TMEM11: variants seen among roughly 807,000 people sequenced by gnomAD.
TMEM11 encodes the protein transmembrane protein 11, mitochondrial.
In TMEM11, 1 loss-of-function variant was observed where a neutral mutation model predicts 17.0. The ratio of observed to expected loss-of-function variants is 0.06; its 90% confidence interval spans 0.02 to 0.28. The LOEUF (loss-of-function observed/expected upper bound fraction) is 0.28, where lower values mean the gene tolerates loss of function less well. Among genes scored for constraint, TMEM11 ranks in the 10% least tolerant of loss-of-function variants. The pLI, the probability that TMEM11 is intolerant of heterozygous loss-of-function variation, is 1.00. For missense variants in TMEM11, 172 were observed against 252.9 expected (o/e 0.68, Z 2.17); for synonymous variants, 122 against 118.1 (o/e 1.03, Z -0.21).
chr17:21,213,352 A>G (rs958082931), intron 1 of TMEM11: 2 of 152,234 alleles, frequency 1.3e-5, no homozygotes, highest in Non-Finnish European at 2.9e-5. Context: ...CAACTTGAAC[A>G]TGAAACACGG....
At chr17:21,206,121 G>A (rs1597771921) in intron 1 of TMEM11, among the ~76,000 whole-genome samples, 1 of 151,960 alleles carries the variant, frequency 6.6e-6, no homozygotes, top group African/African-American at 2.4e-5. Flanking sequence ...TTTTTTTGAG[G>A]AATCTCTATA....
chr17:21,211,323 T>C, intron 1 of TMEM11: 2 of 910,956 alleles, frequency 2.2e-6, no homozygotes, highest in Non-Finnish European at 3.0e-6. Context: ...GCACTGTCCA[T>C]ATCATAACTT....
chr17:21,209,376 T>G (rs1974978145), intron 1 of TMEM11, among the ~76,000 whole-genome samples: 1 of 152,254 alleles, frequency 6.6e-6, no homozygotes, highest in Admixed American at 6.5e-5. Context: ...CCCAGAGGAC[T>G]GCAGTGAAGA....
At chr17:21,208,183 G>A (rs1304015767) in intron 1 of TMEM11, among the ~76,000 whole-genome samples, 7 of 151,676 alleles carry the variant, frequency 4.6e-5, no homozygotes, top group African/African-American at 9.7e-5. Context: ...TAGTAGAGAC[G>A]GGGTTTCACT....
chr17:21,202,094 A>G (rs957756565), intron 1 of TMEM11, among the ~76,000 whole-genome samples: 2 of 151,984 alleles, frequency 1.3e-5, no homozygotes, highest in African/African-American at 4.8e-5. Flanking sequence ...GTGTGCGGGG[A>G]GGGGCGGGGC....
intron 1 of TMEM11, among the ~76,000 whole-genome samples, chr17:21,203,216 A>G (rs79229088): frequency 0.01 from 1,559 of 152,324 alleles, 16 homozygotes; most frequent in Non-Finnish European, 0.016. Context: ...TCAAACCAAA[A>G]CACACACAGA....
chr17:21,214,073 C>A lies in TMEM11; in HGVS notation c.62+18G>T, dbSNP rs770865982. 19 of 1,606,352 alleles carry A rather than the reference C, an allele frequency of 1.2e-5. No individual in the cohort carries two copies. In the South Asian group the frequency reaches 2.1e-4, roughly 18 times the overall value. On this transcript the variant is annotated intron_variant, in intron 1 of 1. Coordinates refer to ENST00000317635, the MANE Select transcript of TMEM11 (RefSeq NM_003876.3). ...GCTGAGCCGCCTGCACTGGGGGCAA[C>A]AAGCCCTTGGATCTCACCTCTCTCG...
Position 21,198,610 on chromosome 17 carries a change from G to A in TMEM11, c.293C>T (p.Ala98Val), listed in dbSNP as rs779261029. ...GTAGTGGGAATAATCTAAGGGCAGC[G>A]CCAACGGGGTGAAGAGGCAGGCGGT... ...AGTACLFTPL[A>V]LPLDYSHYIS... Residue 98 changes from alanine (A) to valine (V), a missense_variant, in exon 2 of 2, where the codon GCG (alanine) becomes GTG (valine). By Grantham distance (64) the Ala-to-Val change is moderately conservative (BLOSUM62 0). Coordinates refer to ENST00000317635, the MANE Select transcript of TMEM11 (RefSeq NM_003876.3). The surrounding 1 kb of genome is among the most constrained non-coding windows in gnomAD (Gnocchi z 6.5). 3 of 1,613,798 alleles carry A rather than the reference G, an allele frequency of 1.9e-6. No homozygotes were observed. The highest frequency in any genetic ancestry group is 1.3e-5 in the African/African-American group (1 of 74,952).
intron 1 of TMEM11, among the ~76,000 whole-genome samples, chr17:21,210,338 T>C (rs1010395451): frequency 1.3e-5 from 2 of 152,190 alleles, no homozygotes; most frequent in Non-Finnish European, 2.9e-5. Flanking sequence ...ACATGTGGCT[T>C]TGCCTTTGTT....
intron 1 of TMEM11, among the ~76,000 whole-genome samples, chr17:21,211,798 G>A (rs1975005791): frequency 6.6e-6 from 1 of 152,240 alleles, no homozygotes; most frequent in African/African-American, 2.4e-5. Context: ...CTAACCAGGT[G>A]TGAGCAGCAA....
intron 1 of TMEM11, among the ~76,000 whole-genome samples, chr17:21,199,966 G>A (rs962607945): frequency 3.9e-5 from 6 of 152,160 alleles, no homozygotes; most frequent in South Asian, 2.1e-4. Flanking sequence ...GGCCCTGTAG[G>A]CCCAGGCCCC....
intron 1 of TMEM11, among the ~76,000 whole-genome samples, chr17:21,207,032 C>G (rs1230098345): frequency 6.6e-6 from 1 of 152,146 alleles, no homozygotes; most frequent in African/African-American, 2.4e-5. Context: ...CCCCAGCCCT[C>G]CACAACCACC....
At chr17:21,207,886 C>T (rs1161079428) in intron 1 of TMEM11, among the ~76,000 whole-genome samples, 1 of 151,708 alleles carries the variant, frequency 6.6e-6, no homozygotes, top group African/African-American at 2.4e-5. Context: ...GAGACATTGT[C>T]TCAAAAGAAA....
rs1567634550 is a variant in TMEM11, at chr17:21,198,346, ATCT to A, written c.554_556del (p.Lys185del). On this transcript the variant is annotated inframe_deletion, in exon 2 of 2. Transcript: ENST00000317635. This position sits in a 1 kb window ranked among gnomAD's most constrained non-coding sequence, Gnocchi z 6.5. ...AAATCATACGGCATAGAGTTCGTAA[ATCT>A]TCTTTACACAGTACACCAGGGCGGC... is the stretch of plus-strand genomic sequence containing the variant. The A allele has an allele frequency of 1.2e-6, 2 of 1,612,602 alleles. No homozygotes were observed. Among genetic ancestry groups the A allele is most frequent in the Non-Finnish European group, 8.5e-7 (1 of 1,178,746 alleles).
chr17:21,207,917 G>A (rs1385121269), intron 1 of TMEM11, among the ~76,000 whole-genome samples: 1 of 151,694 alleles, frequency 6.6e-6, no homozygotes, highest in Non-Finnish European at 1.5e-5. Context: ...GATCAACAGT[G>A]GTTTTCTTTG....
intron 1 of TMEM11, chr17:21,213,735 C>G (rs1303866379): frequency 1.1e-5 from 3 of 274,290 alleles, no homozygotes; most frequent in Non-Finnish European, 2.1e-5. Context: ...CGTGCCCAGG[C>G]GGGAAGGGTG....
At chr17:21,206,299 G>A (rs1010943944) in intron 1 of TMEM11, among the ~76,000 whole-genome samples, 1 of 152,256 alleles carries the variant, frequency 6.6e-6, no homozygotes, top group East Asian at 1.9e-4. Flanking sequence ...TCGACTCACT[G>A]CAACCTCCGC....
intron 1 of TMEM11, among the ~76,000 whole-genome samples, chr17:21,200,271 C>T (rs1486319897): frequency 6.6e-6 from 1 of 152,252 alleles, no homozygotes; most frequent in African/African-American, 2.4e-5. Context: ...GCGGGCAGGC[C>T]TGAAGACAGG....
chr17:21,211,236 A>G (rs1374927177), intron 1 of TMEM11: 3 of 1,287,956 alleles, frequency 2.3e-6, no homozygotes, highest in African/African-American at 1.5e-5. Context: ...CCCTAGATTT[A>G]ATGGAGTGGA....
Sources: gnomAD v4.1 joint callset for allele counts (sites outside exome capture counted in the v4.1 genomes callset) on GRCh38, gnomAD v4.1.1 for gene constraint, Gnocchi (gnomAD v3.1) non-coding constraint, MANE v1.5 for transcripts, NCBI Gene and HGNC (gene_info 2026-07-23, HGNC 2026-07-21) for gene names.